MAP7D3: variants seen among roughly 807,000 people sequenced by gnomAD.
The protein encoded by MAP7D3 is MAP7 domain containing 3.
Under a neutral mutation model 62.2 loss-of-function variants are expected in MAP7D3, and 45 were observed. The ratio of observed to expected loss-of-function variants is 0.72; its 90% CI spans 0.57 to 0.93. The LOEUF (loss-of-function observed/expected upper bound fraction) is 0.93, where lower values mean the gene tolerates loss of function less well. Ranked by LOEUF, MAP7D3 falls within the 40% of genes least tolerant of loss-of-function variation. MAP7D3 has a pLI of 0.00. For missense variants in MAP7D3, 711 were observed against 683.1 expected (o/e 1.04, Z -0.45); for synonymous variants, 288 against 248.8 (o/e 1.16, Z -1.48).
Position 136,228,646 on chromosome X carries a change from T to C in MAP7D3, c.1863A>G (p.Arg621=). 1 of 1,207,840 alleles carries C rather than the reference T, an allele frequency of 8.3e-7. No individual in the cohort carries two copies. Among genetic ancestry groups the C allele is most frequent in the Non-Finnish European group, 1.1e-6 (1 of 893,897 alleles). ...REQREKEEEE[R]QREEMQQRVI... is the part of the protein sequence containing the mutation. Reference sequence around the variant, plus strand: ...ACCTTTGCTGCATTTCTTCCCGTTGTCTTTCTTCTTCCTCTTTTTCTCTTT... The same window carrying C: ...ACCTTTGCTGCATTTCTTCCCGTTGCCTTTCTTCTTCCTCTTTTTCTCTTT... The change falls in exon 11 of 19, where the codon AGA becomes AGG. Residue 621 remains arginine (R), a synonymous_variant. Transcript: ENST00000316077.
intron 3 of MAP7D3, among the ~76,000 whole-genome samples, chrX:136,245,244 A>G (rs754244668): frequency 3.6e-5 from 4 of 111,763 alleles, no homozygotes; most frequent in Non-Finnish European, 7.5e-5. Flanking sequence ...ACCATATTAA[A>G]CATGCCAGTT....
intron 1 of MAP7D3, among the ~76,000 whole-genome samples, chrX:136,246,592 T>G (rs1220639675): frequency 8.9e-6 from 1 of 112,140 alleles, no homozygotes; most frequent in Non-Finnish European, 1.9e-5. Flanking sequence ...AATTGAGTTG[T>G]TAGTGGCGGT....
At chrX:136,236,478 T>C in intron 6 of MAP7D3, 139 bp from the exon 7 acceptor site, 1 of 319,314 alleles carries the variant, frequency 3.1e-6, no homozygotes, top group Admixed American at 5.7e-5. Context: ...GCAGAGATTC[T>C]ATATCCCCAA....
intron 4 of MAP7D3, among the ~76,000 whole-genome samples, chrX:136,242,193 T>C (rs1327820236): frequency 1.2e-4 from 13 of 112,663 alleles, no homozygotes; most frequent in Admixed American, 1.0e-3. Context: ...TGGGCAACAT[T>C]TGAAAATTAT....
chrX:136,226,600 T>C (rs1244947422), intron 12 of MAP7D3, among the ~76,000 whole-genome samples: 1 of 111,676 alleles, frequency 9.0e-6, no homozygotes, highest in East Asian at 2.8e-4. Flanking sequence ...ATCTTATCTG[T>C]TACAGGGGTG....
chrX:136,237,614 T>C (rs1363214866), intron 6 of MAP7D3, among the ~76,000 whole-genome samples: 5 of 112,300 alleles, frequency 4.5e-5, no homozygotes, highest in Non-Finnish European at 9.4e-5. Context: ...CTTCCACACA[T>C]ACCTTCTTGT....
chrX:136,240,600 T>A (rs1415267144), intron 5 of MAP7D3, 114 bp from the exon 6 acceptor site: 8 of 486,420 alleles, frequency 1.6e-5, no homozygotes, highest in Non-Finnish European at 2.8e-5. Context: ...CTTACATTAC[T>A]CAAGTTCACA....
chrX:136,216,401 A>G (rs1461740846), downstream of MAP7D3, among the ~76,000 whole-genome samples: 3 of 104,210 alleles, frequency 2.9e-5, no homozygotes, highest in Non-Finnish European at 5.9e-5. Flanking sequence ...AGAAGAAGAA[A>G]GAAGAAGAAG....
chrX:136,247,122 C>T (rs185477570), intron 1 of MAP7D3, among the ~76,000 whole-genome samples: 62 of 112,306 alleles, frequency 5.5e-4, no homozygotes, highest in African/African-American at 1.9e-3. Flanking sequence ...TGCAAACAAA[C>T]GTGTAAACAG....
At chrX:136,226,601 T>TA (rs1220671810) in intron 12 of MAP7D3, among the ~76,000 whole-genome samples, 2 of 111,797 alleles carry the variant, frequency 1.8e-5, no homozygotes, top group Non-Finnish European at 3.8e-5. Flanking sequence ...TCTTATCTGT[T>TA]ACAGGGGTGT....
Position 136,231,566 on chromosome X carries a change from G to A in MAP7D3, c.1391C>T (p.Ala464Val), listed in dbSNP as rs1180689889. 10 of 1,205,604 alleles carry A rather than the reference G, an allele frequency of 8.3e-6. No homozygotes were observed. In the South Asian group the frequency reaches 1.8e-4, roughly 22 times the overall value. Residue 464 changes from alanine (A) to valine (V), a missense_variant, in exon 8 of 19, where the codon GCA (alanine) becomes GTA (valine). Transcript: ENST00000316077. ...AACCTTTGGAGCGTCTCTCGCTTTT[G>A]CCTTGGGAGATGCTTCCATGCTTGC... ...LEASMEASPK[A>V]KARDAPKKSE... is the part of the protein sequence containing the mutation.
rs1381484291 is a variant in MAP7D3, at chrX:136,229,988, TATATA to T, written c.1750+392_1750+396del. On this transcript the variant is annotated intron_variant, in intron 10 of 18. Transcript: ENST00000316077. ...GTATATATATATATATATATATATA[TATATA>T]TTTTTTTTTTTTTTGTAGAAACAGG... Among the ~76,000 whole-genome samples, 418 of 64,421 alleles carry T rather than the reference TATATA, an allele frequency of 6.5e-3. 3 individuals carry two copies. Among genetic ancestry groups the T allele is most frequent in the Non-Finnish European group, 9.6e-3 (345 of 36,022 alleles). The allele number at this position is 64,421 out of a possible 115,157, so 55.9% of individuals were successfully genotyped here.
chrX:136,255,906 G>T, upstream of MAP7D3: 1 of 187,286 alleles, frequency 5.3e-6, no homozygotes. Flanking sequence ...TCTAGAAATT[G>T]CCACATTTGT....
chrX:136,224,194 A>G (rs966980502), intron 14 of MAP7D3, among the ~76,000 whole-genome samples: 1 of 109,633 alleles, frequency 9.1e-6, no homozygotes, highest in African/African-American at 3.3e-5. Context: ...TAAGGTCAGG[A>G]TTTCGAGACC....
downstream of MAP7D3, among the ~76,000 whole-genome samples, chrX:136,215,762 C>T (rs1046347952): frequency 3.6e-5 from 4 of 111,834 alleles, no homozygotes; most frequent in African/African-American, 1.3e-4. Flanking sequence ...CAGATCAGAA[C>T]ATTTGTTTTG....
chrX:136,216,791 G>A (rs1011910136), downstream of MAP7D3: 2 of 111,312 alleles, frequency 1.8e-5, no homozygotes, highest in Non-Finnish European at 3.8e-5. Context: ...ACTTTTTTTA[G>A]TATTATAATG....
upstream of MAP7D3, among the ~76,000 whole-genome samples, chrX:136,255,734 GCTCCT>G (rs1299485527): frequency 4.5e-5 from 5 of 110,796 alleles, no homozygotes; most frequent in African/African-American, 6.6e-5. Flanking sequence ...AACCCAGGCG[GCTCCT>G]CTCCTCTCCT....
Position 136,231,765 on chromosome X carries a change from G to C in MAP7D3, c.1192C>G (p.Leu398Val), listed in dbSNP as rs61736704. Residue 398 changes from leucine (L) to valine (V), a missense_variant, in exon 8 of 19, where the codon CTG becomes GTG. Transcript: ENST00000316077. ...ACGCTCACCTCTGGCAGTGCTTCCA[G>C]ACTCACTTCCGGGGGTGCTTCCAGG... ...ASLEAPPEVS[L>V]EALPEVSVEA... The C allele has an allele frequency of 4.1e-4, 494 of 1,208,962 alleles. No individual in the cohort carries two copies. The African/African-American group carries it at 5.9e-3, about 15-fold the overall frequency.
At chrX:136,245,571 C>G (rs764476323) in intron 3 of MAP7D3, among the ~76,000 whole-genome samples, 11 of 110,833 alleles carry the variant, frequency 9.9e-5, no homozygotes, top group African/African-American at 3.3e-4. Context: ...CACGATGAAA[C>G]CCCGTCTCTA....
Sources: allele counts gnomAD v4.1 joint callset (sites outside exome capture counted in the v4.1 genomes callset), GRCh38; gene constraint gnomAD v4.1.1; transcripts MANE v1.5; gene names NCBI Gene and HGNC (gene_info 2026-07-23, HGNC 2026-07-21).